The following EPN2 variants were observed in gnomAD, a reference collection of about 807,000 sequenced individuals.
EPN2 encodes the protein epsin-2.
Under a neutral mutation model 61.7 loss-of-function variants are expected in EPN2, and 34 were observed. That is an observed-to-expected ratio of 0.55 (90% confidence interval 0.42 to 0.73). The LOEUF (loss-of-function observed/expected upper bound fraction) is 0.73. Among genes scored for constraint, EPN2 ranks in the 30% least tolerant of loss-of-function variants. The pLI, the probability that EPN2 is intolerant of heterozygous loss-of-function variation, is 0.00. For missense variants in EPN2, 714 were observed against 839.2 expected (o/e 0.85, Z 1.84); for synonymous variants, 349 against 353.6 (o/e 0.99, Z 0.15).
chr17:19,310,105 A>G, intron 5 of EPN2, 108 bp downstream of exon 5: 1 of 758,224 alleles, frequency 1.3e-6, no homozygotes, highest in Non-Finnish European at 2.3e-6. Flanking sequence ...AAAACATTTC[A>G]GATATGCTTG....
chr17:19,335,531 G>GGAA lies in EPN2; in HGVS notation c.*1278_*1280dup. The GGAA allele has an allele frequency of 6.7e-7, 1 of 1,503,530 alleles. No homozygotes were observed. The highest frequency in any genetic ancestry group is 9.0e-7 in the Non-Finnish European group (1 of 1,112,918). 93.1% of individuals were successfully genotyped at this position (1,503,530 alleles called of 1,614,324 possible). A position where few individuals can be genotyped will look rare whatever the true frequency, so the allele number is the denominator to read the frequency against. ...CTCAGGCTAAAGATGGGGATAATGT[G>GGAA]GAAATGGCAGTTGTCCCGAGGGCGT... On this transcript the variant is annotated 3_prime_UTR_variant, in exon 11 of 11. Coordinates refer to ENST00000314728, the MANE Select transcript of EPN2 (RefSeq NM_014964.5).
intron 4 of EPN2, among the ~76,000 whole-genome samples, chr17:19,293,534 CTTTTTTTTTTT>C (rs71155390): frequency 6.5e-4 from 34 of 52,454 alleles, no homozygotes; most frequent in Middle Eastern, 0.023. Flanking sequence ...CCATACCCAG[CTTTTTTTTTTT>C]TTTTTTTTTT....
chr17:19,289,724 G>GTTGTTTTTTTTTTTTT (rs2045441716), intron 4 of EPN2, among the ~76,000 whole-genome samples: 1 of 78,028 alleles, frequency 1.3e-5, no homozygotes, highest in African/African-American at 4.8e-5. Flanking sequence ...GGCGCTCATG[G>GTTGTTTTTTTTTTTTT]TTTTTTTTTT....
intron 7 of EPN2, among the ~76,000 whole-genome samples, chr17:19,315,247 C>G (rs897830442): frequency 6.6e-6 from 1 of 152,242 alleles, no homozygotes; most frequent in African/African-American, 2.4e-5. Context: ...ACCCAGTGTT[C>G]TGGGCCGAGC....
intron 5 of EPN2, among the ~76,000 whole-genome samples, chr17:19,311,471 G>GA (rs1906135216): frequency 2.0e-5 from 3 of 151,394 alleles, no homozygotes; most frequent in African/African-American, 7.3e-5. Context: ...AACAAGAAAA[G>GA]AAAAAATACA....
intron 1 of EPN2, among the ~76,000 whole-genome samples, chr17:19,256,828 T>C (rs762960311): frequency 2.6e-5 from 4 of 152,178 alleles, no homozygotes; most frequent in Admixed American, 6.5e-5. Context: ...TGGAGCCTGA[T>C]TTGTGCTTAA....
At chr17:19,288,258 A>T (rs1597996488) in intron 4 of EPN2, among the ~76,000 whole-genome samples, 1 of 152,286 alleles carries the variant, frequency 6.6e-6, no homozygotes, top group East Asian at 1.9e-4. Context: ...AGCCTGGTCT[A>T]CCTGCCCTCT....
At chr17:19,251,408 G>T (rs139684128) in intron 1 of EPN2, among the ~76,000 whole-genome samples, 1 of 152,076 alleles carries the variant, frequency 6.6e-6, no homozygotes. Context: ...TGTTAAAAGC[G>T]TTTCAGTGGA....
intron 7 of EPN2, among the ~76,000 whole-genome samples, chr17:19,327,812 A>G (rs1906953983): frequency 1.3e-5 from 2 of 152,238 alleles, no homozygotes; most frequent in Non-Finnish European, 2.9e-5. Flanking sequence ...GAGAAAGGCT[A>G]ATAAACAGTT....
chr17:19,298,057 GT>G lies in EPN2; in HGVS notation c.767-11827del, dbSNP rs1162592452. Among the ~76,000 whole-genome samples the G allele has an allele frequency of 6.6e-5, 10 of 152,026 alleles. No homozygotes were observed. The East Asian group carries it at 1.7e-3, about 27-fold the overall frequency. On this transcript the variant is annotated intron_variant, in intron 4 of 10. Transcript: ENST00000314728. ...TGCCCAGCTAATTTTTGTATTTTTA[GT>G]AGAGATGGGGTTTCACCATATTGGC...
intron 4 of EPN2, among the ~76,000 whole-genome samples, chr17:19,293,749 A>G (rs1275359783): frequency 6.6e-6 from 1 of 151,808 alleles, no homozygotes; most frequent in Non-Finnish European, 1.5e-5. Context: ...GATCTTAAGG[A>G]GCTCCTCTGA....
At chr17:19,332,453 T>C (rs1053335404) in intron 10 of EPN2, among the ~76,000 whole-genome samples, 1 of 152,120 alleles carries the variant, frequency 6.6e-6, no homozygotes, top group Admixed American at 6.5e-5. Context: ...GGGAAAAATG[T>C]AACTTAGCCC....
At chr17:19,316,970 C>T (rs1202069643) in intron 7 of EPN2, among the ~76,000 whole-genome samples, 1 of 152,246 alleles carries the variant, frequency 6.6e-6, no homozygotes, top group Non-Finnish European at 1.5e-5. Context: ...CACATTCCAT[C>T]AGCGTAGCCT....
At chr17:19,319,682 CTG>C (rs1906557096) in intron 7 of EPN2, among the ~76,000 whole-genome samples, 1 of 149,736 alleles carries the variant, frequency 6.7e-6, no homozygotes. Context: ...AGGTTTCCCT[CTG>C]TTGCCCAGGC....
chr17:19,268,322 G>T (rs2045220617), intron 1 of EPN2, among the ~76,000 whole-genome samples: 1 of 152,164 alleles, frequency 6.6e-6, no homozygotes, highest in Admixed American at 6.5e-5. Flanking sequence ...GTGAGTGTGT[G>T]AAAAATACTT....
chr17:19,331,831 C>T, intron 9 of EPN2, 22 bp from the exon 10 acceptor site: 2 of 1,601,300 alleles, frequency 1.2e-6, no homozygotes, highest in Non-Finnish European at 1.7e-6. Flanking sequence ...CTCACCCTGC[C>T]ATATGTGTCC....
At chr17:19,325,729 A>G (rs1906834874) in intron 7 of EPN2, among the ~76,000 whole-genome samples, 1 of 152,246 alleles carries the variant, frequency 6.6e-6, no homozygotes, top group African/African-American at 2.4e-5. Context: ...ATCCTAGCCA[A>G]TGCAGTAAGA....
chr17:19,316,840 C>T (rs1202077968), intron 7 of EPN2, among the ~76,000 whole-genome samples: 1 of 152,124 alleles, frequency 6.6e-6, no homozygotes, highest in Non-Finnish European at 1.5e-5. Context: ...ATTAAAATCA[C>T]AGTGATTTCT....
chr17:19,240,935 C>T (rs1244733547), intron 1 of EPN2, among the ~76,000 whole-genome samples: 1 of 152,268 alleles, frequency 6.6e-6, no homozygotes, highest in African/African-American at 2.4e-5. Flanking sequence ...ACTGTTCTGT[C>T]GCACTGTTGC....
Sources: gnomAD v4.1 joint callset for allele counts (sites outside exome capture counted in the v4.1 genomes callset) on GRCh38, gnomAD v4.1.1 for gene constraint, MANE v1.5 for transcripts, NCBI Gene and HGNC (gene_info 2026-07-23, HGNC 2026-07-21) for gene names.